RNFT2: variants seen among roughly 807,000 people sequenced by gnomAD.
RNFT2 encodes E3 ubiquitin-protein ligase RNFT2.
Under a neutral mutation model 53.0 loss-of-function variants are expected in RNFT2, and 36 were observed. The ratio of observed to expected loss-of-function variants is 0.68; its 90% CI spans 0.52 to 0.90. RNFT2 has a LOEUF of 0.90. RNFT2 is among the 40% of genes least tolerant of loss of function. RNFT2 has a pLI of 0.00. For missense variants in RNFT2, 514 were observed against 585.6 expected, an observed-to-expected ratio of 0.88 and a Z score of 1.26; for synonymous variants, 260 against 253.2, an observed-to-expected ratio of 1.03 and a Z score of -0.26.
At chr12:116,847,379 GTTAA>G (rs953511640) in intron 10 of RNFT2, among the ~76,000 whole-genome samples, 17 of 152,086 alleles carry the variant, frequency 1.1e-4, no homozygotes, top group African/African-American at 3.9e-4. Flanking sequence ...CTTTTAACAT[GTTAA>G]TTAATCTTCC....
At chr12:116,825,702 C>T (rs781506349) in intron 7 of RNFT2, among the ~76,000 whole-genome samples, 1 of 152,110 alleles carries the variant, frequency 6.6e-6, no homozygotes, top group Non-Finnish European at 1.5e-5. Context: ...TTTCTTTCCC[C>T]CAGAGACCTA....
At chr12:116,741,013 C>T (rs1871581514) in intron 2 of RNFT2, 23 bp from the exon 3 acceptor site, 1 of 1,600,256 alleles carries the variant, frequency 6.2e-7, no homozygotes. Context: ...GAGACTCTGG[C>T]TCACCCATGT....
intron 10 of RNFT2, among the ~76,000 whole-genome samples, chr12:116,840,476 G>C (rs1006899158): frequency 2.0e-5 from 3 of 152,200 alleles, no homozygotes; most frequent in Non-Finnish European, 1.5e-5. Context: ...TGCATTACAA[G>C]ATCAGAGCAC....
At chr12:116,821,280 G>C (rs1303296288) in intron 7 of RNFT2, among the ~76,000 whole-genome samples, 1 of 149,752 alleles carries the variant, frequency 6.7e-6, no homozygotes, top group African/African-American at 2.5e-5. Context: ...CCCCAGTCCT[G>C]CCCCGTCACA....
In RNFT2 at chr12:116,836,226, G is replaced by A; in HGVS notation, c.1144G>A (p.Asp382Asn). Residue 382 changes from aspartate to asparagine, a missense_variant, in exon 10 of 11, where the codon GAC (aspartate) becomes AAC (asparagine). Coordinates refer to ENST00000257575, the MANE Select transcript of RNFT2 (RefSeq NM_001382266.1). ...ATGQQCTEAG[D>N]ICAICQAEFR... is the part of the protein sequence containing the mutation. ...CGGGCAGCAGTGCACAGAAGCTGGTGACATCTGCGCCATCTGTCAGGCCGA... is the reference window on the plus strand; with the variant it reads ...CGGGCAGCAGTGCACAGAAGCTGGTAACATCTGCGCCATCTGTCAGGCCGA... 6.3e-7 allele frequency: 1 copy of A among 1,594,572 alleles called. No homozygotes were observed. The highest frequency in any genetic ancestry group is 8.5e-7 in the Non-Finnish European group (1 of 1,170,548).
rs74567077 is a variant in RNFT2, at chr12:116,767,130, T to G, written c.728+216T>G. On this transcript the variant is annotated intron_variant, in intron 6 of 10. Coordinates refer to ENST00000257575, the MANE Select transcript of RNFT2 (RefSeq NM_001382266.1). ...AGGTAAATTAACATCTTCTAGTTAC[T>G]GAAAACTAAACAGAAACAGGTGGAA... Among the ~76,000 whole-genome samples the G allele has an allele frequency of 1.4e-3, 207 of 152,356 alleles. 1 individual carries two copies. Among genetic ancestry groups the G allele is most frequent in the African/African-American group, 4.7e-3 (194 of 41,582 alleles).
At chr12:116,795,115 G>GA (rs147331031) in intron 7 of RNFT2, among the ~76,000 whole-genome samples, 2,343 of 151,182 alleles carry the variant, frequency 0.015, 81 homozygotes, top group African/African-American at 0.054. Flanking sequence ...GCCTCTTTAT[G>GA]AAAATGAAGG....
Position 116,852,904 on chromosome 12 carries a change from A to G in RNFT2, c.*3456A>G. 5 of 610,608 alleles carry G rather than the reference A, an allele frequency of 8.2e-6. No individual in the cohort carries two copies. In the South Asian group the frequency reaches 8.3e-5, roughly 10 times the overall value. The allele number at this position is 610,608 out of a possible 1,614,324, so 37.8% of individuals were successfully genotyped here. The stretch of plus-strand genomic sequence containing the variant: ...CCCAATGGTTTCTCCAATTATGCCC[A>G]TGCCACCAAAACAATAAAACAAAAT... On this transcript the variant is annotated 3_prime_UTR_variant, in exon 11 of 11. Transcript: ENST00000257575.
intron 6 of RNFT2, among the ~76,000 whole-genome samples, chr12:116,776,430 G>A: frequency 6.6e-6 from 1 of 152,162 alleles, no homozygotes; most frequent in Non-Finnish European, 1.5e-5. Flanking sequence ...CCCAGGAAGG[G>A]CAAGAGCAGA....
chr12:116,818,153 C>A (rs1268683016), intron 7 of RNFT2, among the ~76,000 whole-genome samples: 2 of 151,824 alleles, frequency 1.3e-5, no homozygotes, highest in Non-Finnish European at 2.9e-5. Flanking sequence ...CCCCTCTCTA[C>A]AAAAAAAGTC....
At chr12:116,817,471 T>G (rs1380534739) in intron 7 of RNFT2, among the ~76,000 whole-genome samples, 1 of 152,202 alleles carries the variant, frequency 6.6e-6, no homozygotes, top group African/African-American at 2.4e-5. Context: ...TTTTTACGTC[T>G]TCTTCCTTGC....
intron 4 of RNFT2, among the ~76,000 whole-genome samples, chr12:116,750,908 A>ATTTTTT (rs386377851): frequency 1.4e-5 from 1 of 70,018 alleles, no homozygotes; most frequent in Non-Finnish European, 2.9e-5. Context: ...ATATATATAT[A>ATTTTTT]TTTTTTTTTG....
chr12:116,785,919 G>A (rs1873913384), intron 7 of RNFT2, among the ~76,000 whole-genome samples: 1 of 151,974 alleles, frequency 6.6e-6, no homozygotes, highest in Non-Finnish European at 1.5e-5. Context: ...CTGATGTGGT[G>A]TACATGACTG....
chr12:116,755,757 C>T (rs552360487), intron 5 of RNFT2: 3 of 1,460,958 alleles, frequency 2.1e-6, no homozygotes, highest in East Asian at 2.3e-5. Context: ...TTGATGTCTA[C>T]GATATCACCT....
At chr12:116,817,667 A>C (rs2137175317) in intron 7 of RNFT2, among the ~76,000 whole-genome samples, 1 of 152,350 alleles carries the variant, frequency 6.6e-6, no homozygotes, top group East Asian at 1.9e-4. Flanking sequence ...GAAAAGCACC[A>C]CAGGGACTTC....
At chr12:116,801,808 G>T (rs200858485) in intron 7 of RNFT2, among the ~76,000 whole-genome samples, 145 of 102,714 alleles carry the variant, frequency 1.4e-3, no homozygotes, top group Admixed American at 5.8e-3. Context: ...GGTTTTTTTT[G>T]TTTGTTTGTT....
intron 6 of RNFT2, 25 bp downstream of exon 6, chr12:116,766,939 C>T (rs750409986): frequency 2.2e-5 from 34 of 1,532,144 alleles, no homozygotes; most frequent in East Asian, 2.4e-5. Flanking sequence ...CCAACCCCCA[C>T]GGTGGGAGAG....
intron 6 of RNFT2, among the ~76,000 whole-genome samples, chr12:116,770,725 A>AT (rs897936327): frequency 2.0e-5 from 3 of 151,746 alleles, no homozygotes; most frequent in Non-Finnish European, 4.4e-5. Flanking sequence ...GCTCAGCTAA[A>AT]TTTTTTTATT....
At chr12:116,846,922 T>C in intron 10 of RNFT2, among the ~76,000 whole-genome samples, 1 of 80,726 alleles carries the variant, frequency 1.2e-5, no homozygotes, top group South Asian at 3.9e-4. Context: ...TTTTTTTTTT[T>C]GAGATGGAAT....
Sources: gnomAD v4.1 joint callset for allele counts (sites outside exome capture counted in the v4.1 genomes callset) on GRCh38, gnomAD v4.1.1 for gene constraint, MANE v1.5 for transcripts, NCBI Gene and HGNC (gene_info 2026-07-23, HGNC 2026-07-21) for gene names.